METTL22: variants seen among roughly 807,000 people sequenced by gnomAD.
METTL22 encodes methyltransferase-like protein 22.
A neutral mutation model predicts 48.4 loss-of-function variants in METTL22; 51 were observed. That is an observed-to-expected ratio of 1.05 (90% CI 0.84 to 1.33). METTL22 has a LOEUF of 1.33. Among genes scored for constraint, METTL22 ranks in the 40% most tolerant of loss-of-function variants. The probability of loss-of-function intolerance (pLI) is 0.00; values close to 1 mark genes in which losing one functional copy is unlikely to be tolerated. For synonymous variants in METTL22, 255 were observed against 214.1 expected (o/e 1.19, Z -1.67); for missense variants, 678 against 526.9 (o/e 1.29, Z -2.81).
At chr16:8,642,407 G>C (rs2241102) in intron 8 of METTL22, 56 bp from the exon 9 acceptor site, 1 of 1,551,948 alleles carries the variant, frequency 6.4e-7, no homozygotes, top group Non-Finnish European at 8.9e-7. Context: ...CTGAAAAGTC[G>C]ATTTCTGTAA....
At chr16:8,637,044 A>G (rs191193190) in intron 5 of METTL22, among the ~76,000 whole-genome samples, 1 of 152,342 alleles carries the variant, frequency 6.6e-6, no homozygotes, top group East Asian at 1.9e-4. Flanking sequence ...TCTTTAGAAC[A>G]AATATACCTG....
At chr16:8,656,507 A>G in the METTL22 span, among the ~76,000 whole-genome samples, 1 of 152,358 alleles carries the variant, frequency 6.6e-6, no homozygotes, top group Non-Finnish European at 1.5e-5. Context: ...AGGGATTCTA[A>G]TGTGAACTTG....
At chr16:8,626,777 T>TTG (rs2056073373) in intron 2 of METTL22, among the ~76,000 whole-genome samples, 1 of 136,472 alleles carries the variant, frequency 7.3e-6, no homozygotes, top group Non-Finnish European at 1.6e-5. Context: ...TTTTTTTTTT[T>TTG]TTTTTTTGAG....
chr16:8,635,346 A>G (rs2056392214), intron 5 of METTL22, 34 bp downstream of exon 5: 1 of 1,510,548 alleles, frequency 6.6e-7, no homozygotes, highest in Non-Finnish European at 8.8e-7. Context: ...GCAGGGAAGT[A>G]GTCACCTTCA....
chr16:8,641,070 T>C (rs2056600007), intron 6 of METTL22, 61 bp from the exon 7 acceptor site: 2 of 1,522,574 alleles, frequency 1.3e-6, no homozygotes, highest in Admixed American at 1.7e-5. Context: ...TGTAAAAGTT[T>C]ATCTTTTTTT....
At chr16:8,628,695 G>C (rs774306125) in intron 2 of METTL22, 35 bp from the exon 3 acceptor site, 60 of 1,560,076 alleles carry the variant, frequency 3.8e-5, no homozygotes, top group Non-Finnish European at 4.8e-5. Context: ...AAAACATCTT[G>C]GAATTCTCAT....
chr16:8,646,101 G>A lies in METTL22; in HGVS notation c.1180-7G>A, dbSNP rs774217056. On this transcript the variant is annotated splice_polypyrimidine_tract_variant and splice_region_variant and intron_variant, in intron 10 of 10. Coordinates refer to ENST00000381920, the MANE Select transcript of METTL22 (RefSeq NM_024109.4). ...CAGAAACCTGTTCTTTTCTCTGTTT[G>A]CTGCAGGAGCTCTGGAAGATCATCG... 3.7e-6 allele frequency: 5 copies of A among 1,343,766 alleles called. No individual in the cohort carries two copies. The highest frequency in any genetic ancestry group is 4.8e-6 in the Non-Finnish European group (5 of 1,043,796). 83.2% of individuals were successfully genotyped at this position (1,343,766 alleles called of 1,614,324 possible). A position where few individuals can be genotyped will look rare whatever the true frequency, so the allele number is the denominator to read the frequency against.
chr16:8,623,541 G>A (rs1453300555), intron 1 of METTL22: 1 of 152,158 alleles, frequency 6.6e-6, no homozygotes, highest in Non-Finnish European at 1.5e-5. Flanking sequence ...ATCTGGTGTG[G>A]TTTTGCCAGT....
At chr16:8,663,858 G>A in the METTL22 span, among the ~76,000 whole-genome samples, 2 of 152,068 alleles carry the variant, frequency 1.3e-5, no homozygotes, top group African/African-American at 4.8e-5. Flanking sequence ...CAACGTGTTG[G>A]GCTCAGTAAT....
the METTL22 span, chr16:8,666,972 T>G: frequency 5.9e-3 from 902 of 152,018 alleles, 8 homozygotes; most frequent in Non-Finnish European, 0.01. Flanking sequence ...TTTTTTGTAT[T>G]TTTAGTAGAG....
Position 8,642,466 on chromosome 16 carries a change from T to C in METTL22, c.911T>C (p.Phe304Ser), listed in dbSNP as rs781762589. 1 of 1,614,166 alleles carries C rather than the reference T, an allele frequency of 6.2e-7. No homozygotes were observed. The highest frequency in any genetic ancestry group is 1.7e-5 in the Admixed American group (1 of 60,028). Residue 304 changes from phenylalanine (F) to serine (S), a missense_variant, in exon 9 of 11, where the codon TTT (phenylalanine) becomes TCT (serine). Coordinates refer to ENST00000381920, the MANE Select transcript of METTL22 (RefSeq NM_024109.4). Reference protein sequence around the residue: ...HTTILFAAEVFYDDDLTDAVF... With the variant: ...HTTILFAAEVSYDDDLTDAVF... ...CTGGCCTTTTTGCTTCCCACAGTGT[T>C]TTACGACGACGACTTGACTGATGCT...
chr16:8,629,094 C>A lies in METTL22; in HGVS notation c.498C>A (p.His166Gln), dbSNP rs774770247. The A allele has an allele frequency of 1.2e-6, 2 of 1,613,124 alleles. No individual in the cohort carries two copies. Among genetic ancestry groups the A allele is most frequent in the South Asian group, 1.1e-5 (1 of 91,066 alleles). Reference sequence around the variant, plus strand: ...GAGAGGAAGCACAAGGCAGCCCGCACGATATCATCAGAATAGGTAAATAGA... The same window carrying A: ...GAGAGGAAGCACAAGGCAGCCCGCAAGATATCATCAGAATAGGTAAATAGA... ...VLGEEAQGSP[H>Q]DIIRIEHTMA... The change falls in exon 3 of 11, where the codon CAC becomes CAA. Residue 166 changes from histidine (H) to glutamine (Q), a missense_variant. Physicochemically the swap from His to Gln is conservative, Grantham distance 24. Coordinates refer to ENST00000381920, the MANE Select transcript of METTL22 (RefSeq NM_024109.4).
rs2056850082 is a variant in METTL22, at chr16:8,648,888, T to C, written c.*2745T>C. The C allele has an allele frequency of 6.6e-6, 1 of 152,266 alleles. No homozygotes were observed. The highest frequency in any genetic ancestry group is 6.5e-5 in the Admixed American group (1 of 15,286). 9.4% of individuals were successfully genotyped at this position (152,266 alleles called of 1,614,324 possible). A position where few individuals can be genotyped will look rare whatever the true frequency, so the allele number is the denominator to read the frequency against. On this transcript the variant is annotated 3_prime_UTR_variant, in exon 11 of 11. Coordinates refer to ENST00000381920, the MANE Select transcript of METTL22 (RefSeq NM_024109.4). ...TTGTGTGCACAGTAGTTTGAGAAGC[T>C]CTGGGGCCTACCACATAGCCCTCAA...
intron 10 of METTL22, 191 bp from the exon 11 acceptor site, chr16:8,645,917 C>A (rs768013437): frequency 1.1e-6 from 1 of 950,798 alleles, no homozygotes; most frequent in Non-Finnish European, 1.2e-6. Context: ...GCCTCTCTGC[C>A]ACAGTAAAAT....
chr16:8,626,325 T>C (rs1350747436), intron 2 of METTL22, among the ~76,000 whole-genome samples: 2 of 152,148 alleles, frequency 1.3e-5, no homozygotes, highest in Non-Finnish European at 2.9e-5. Flanking sequence ...TGAGCACCTA[T>C]TGTGCGCCTG....
intron 2 of METTL22, among the ~76,000 whole-genome samples, chr16:8,627,893 C>CA (rs2056116003): frequency 6.6e-6 from 1 of 152,210 alleles, no homozygotes; most frequent in East Asian, 1.9e-4. Flanking sequence ...ACTATAGGCA[C>CA]ATGCCACCAT....
chr16:8,650,905 T>C (rs1364746964), downstream of METTL22, among the ~76,000 whole-genome samples: 5 of 152,238 alleles, frequency 3.3e-5, no homozygotes, highest in Non-Finnish European at 7.4e-5. Flanking sequence ...GTGCCTGTAA[T>C]TCCAGCTACT....
intron 2 of METTL22, among the ~76,000 whole-genome samples, chr16:8,628,138 C>T (rs1455224958): frequency 6.6e-6 from 1 of 152,208 alleles, no homozygotes; most frequent in African/African-American, 2.4e-5. Flanking sequence ...TTACTATATT[C>T]CTGGTAATTA....
chr16:8,666,921 G>A, the METTL22 span: 1 of 151,854 alleles, frequency 6.6e-6, no homozygotes, highest in African/African-American at 2.4e-5. Flanking sequence ...CTAGTAGCTA[G>A]GATTACAGGC....
Sources: gnomAD v4.1 joint callset for allele counts (sites outside exome capture counted in the v4.1 genomes callset) on GRCh38, gnomAD v4.1.1 for gene constraint, MANE v1.5 for transcripts, NCBI Gene and HGNC (gene_info 2026-07-23, HGNC 2026-07-21) for gene names.